RICTOR: variants seen among roughly 807,000 people sequenced by gnomAD.
The protein encoded by RICTOR is RPTOR independent companion of MTOR complex 2.
RICTOR carries 49 observed loss-of-function variants against 214.9 expected under a neutral mutation model. That is an observed-to-expected ratio of 0.23 (90% CI 0.18 to 0.29). RICTOR has a LOEUF of 0.29. RICTOR is among the 10% of genes least tolerant of loss of function. The pLI is 1.00. For missense variants in RICTOR, 1,625 were observed against 2,047.0 expected (o/e 0.79, Z 3.98); for synonymous variants, 717 against 711.3 (o/e 1.01, Z -0.13).
At chr5:39,025,198 G>T (rs1470091332) in intron 2 of RICTOR, among the ~76,000 whole-genome samples, 1 of 152,068 alleles carries the variant, frequency 6.6e-6, no homozygotes, top group African/African-American at 2.4e-5. Context: ...CCACCTCCCA[G>T]ACAGTATTTG....
At chr5:39,030,809 G>C (rs1351093416) in intron 2 of RICTOR, among the ~76,000 whole-genome samples, 11 of 152,066 alleles carry the variant, frequency 7.2e-5, no homozygotes, top group Non-Finnish European at 1.6e-4. Flanking sequence ...CTCAGGAGGA[G>C]GAGGGTCCAA....
chr5:39,073,328 C>T (rs191389661), intron 2 of RICTOR, among the ~76,000 whole-genome samples: 1 of 152,266 alleles, frequency 6.6e-6, no homozygotes, highest in African/African-American at 2.4e-5. Context: ...GTCGAATAAA[C>T]TCTAGTACTG....
chr5:38,990,576 T>TATACACACGATATATAC (rs1491289561), intron 7 of RICTOR, among the ~76,000 whole-genome samples: 2 of 134,642 alleles, frequency 1.5e-5, no homozygotes, highest in African/African-American at 5.7e-5. Context: ...ACGATATATA[T>TATACACACGATATATAC]GATATATACA....
chr5:39,006,756 GGGAGA>G (rs1754092878), intron 3 of RICTOR, among the ~76,000 whole-genome samples: 1 of 98,678 alleles, frequency 1.0e-5, no homozygotes, highest in African/African-American at 4.1e-5. Flanking sequence ...GGGAGAGGAG[GGGAGA>G]GGAGGGGAGA....
chr5:39,041,526 A>G (rs1380501980), intron 2 of RICTOR, among the ~76,000 whole-genome samples: 1 of 152,172 alleles, frequency 6.6e-6, no homozygotes, highest in Non-Finnish European at 1.5e-5. Context: ...GAAGAGGAGA[A>G]AGGCAAGTTT....
In RICTOR at chr5:38,975,615, T is replaced by G. The variant is rs1579969347; in HGVS notation, c.822-11A>C. On this transcript the variant is annotated splice_polypyrimidine_tract_variant and intron_variant, in intron 9 of 37. Transcript: ENST00000357387. Reference sequence around the variant, plus strand: ...GCTTCTCTGTCTTCTCTGTTGGGGGTGGGGAGGCAGCGGGGAGAATCAATG... The same window carrying G: ...GCTTCTCTGTCTTCTCTGTTGGGGGGGGGGAGGCAGCGGGGAGAATCAATG... 6.2e-7 allele frequency: 1 copy of G among 1,610,732 alleles called. No homozygotes were observed. The highest frequency in any genetic ancestry group is 2.2e-5 in the East Asian group (1 of 44,826).
intron 2 of RICTOR, among the ~76,000 whole-genome samples, chr5:39,033,242 T>C (rs1183746152): frequency 6.6e-6 from 1 of 152,122 alleles, no homozygotes; most frequent in Non-Finnish European, 1.5e-5. Context: ...TGTTGGCTTC[T>C]TGTACCAGTG....
At chr5:39,050,009 C>T (rs916158179) in intron 2 of RICTOR, among the ~76,000 whole-genome samples, 8 of 152,142 alleles carry the variant, frequency 5.3e-5, no homozygotes, top group Admixed American at 2.6e-4. Context: ...TACTCAAAGA[C>T]TTGAAATACT....
At position 38,939,646 on chromosome 5, in the gene RICTOR, T is replaced by C. The variant is rs1161792415; in HGVS notation, c.*2658A>G. On this transcript the variant is annotated 3_prime_UTR_variant, in exon 38 of 38. Transcript: ENST00000357387. ...AATTCACTTTACGATTAGAAATTCA[T>C]AGTTTACAACCAGCACAACTGCCCA... 2 of 231,344 alleles carry C rather than the reference T, an allele frequency of 8.6e-6. No individual in the cohort carries two copies. The highest frequency in any genetic ancestry group is 1.7e-5 in the Non-Finnish European group (2 of 116,966). 14.3% of individuals were successfully genotyped at this position (231,344 alleles called of 1,614,324 possible).
chr5:38,961,249 C>T (rs923176429), intron 19 of RICTOR, among the ~76,000 whole-genome samples: 4 of 152,020 alleles, frequency 2.6e-5, no homozygotes, highest in African/African-American at 9.7e-5. Context: ...TTTAACATAG[C>T]TAGAATATAA....
At chr5:39,003,030 C>T (rs556709061) in intron 4 of RICTOR, among the ~76,000 whole-genome samples, 12 of 152,242 alleles carry the variant, frequency 7.9e-5, no homozygotes, top group Non-Finnish European at 1.3e-4. Context: ...TATCCTCTCT[C>T]TGCCTACCTG....
At chr5:38,976,144 C>T (rs1751213136) in intron 9 of RICTOR, among the ~76,000 whole-genome samples, 5 of 152,192 alleles carry the variant, frequency 3.3e-5, no homozygotes, top group Admixed American at 3.3e-4. Context: ...ATTCCCTCCT[C>T]TACAATAGTT....
At position 38,977,078 on chromosome 5, in the gene RICTOR, AG is replaced by A. The variant is rs565852690; in HGVS notation, c.822-1475del. ...AAAAGTCAGAGAGGCTGAAAGCAGT[AG>A]AAAGATTCCAGCATTGTTGCCTTTG... On this transcript the variant is annotated intron_variant, in intron 9 of 37. Coordinates refer to ENST00000357387, the MANE Select transcript of RICTOR (RefSeq NM_152756.5). 2.8e-4 allele frequency among the ~76,000 whole-genome samples: 43 copies of A among 152,368 alleles called. 1 individual carries two copies. The South Asian group carries it at 8.7e-3, about 31-fold the overall frequency.
chr5:38,945,486 C>A lies in RICTOR; in HGVS notation c.4633+5G>T. The stretch of plus-strand genomic sequence containing the variant: ...TTTTTCTGAAGGTGGGACGTGATCA[C>A]TTACCTGAATGACTACATATTGCAC... On this transcript the variant is annotated splice_donor_5th_base_variant and intron_variant, in intron 34 of 37. Transcript: ENST00000357387. 6.3e-7 allele frequency: 1 copy of A among 1,592,260 alleles called. No individual in the cohort carries two copies. Among genetic ancestry groups the A allele is most frequent in the Non-Finnish European group, 8.6e-7 (1 of 1,160,782 alleles).
At chr5:38,990,727 C>G (rs9800015) in intron 7 of RICTOR, among the ~76,000 whole-genome samples, 399 of 2,758 alleles carry the variant, frequency 0.14, 74 homozygotes, top group African/African-American at 0.2. Context: ...TGATATATAT[C>G]ATATATATGA....
intron 5 of RICTOR, among the ~76,000 whole-genome samples, chr5:38,997,373 CCAAA>C (rs1209744398): frequency 6.6e-6 from 1 of 152,050 alleles, no homozygotes. Context: ...ATATTGATGT[CCAAA>C]CAAATAGCAC....
chr5:39,042,902 C>G (rs1376187836), intron 2 of RICTOR, among the ~76,000 whole-genome samples: 1 of 152,122 alleles, frequency 6.6e-6, no homozygotes. Context: ...ATGCAGGGAG[C>G]CATGAACACA....
At chr5:38,985,029 T>A (rs529093839) in intron 7 of RICTOR, among the ~76,000 whole-genome samples, 37 of 152,254 alleles carry the variant, frequency 2.4e-4, no homozygotes, top group African/African-American at 7.9e-4. Flanking sequence ...GCCAGGATGG[T>A]CTCGATCTCT....
At chr5:38,960,323 G>T in intron 20 of RICTOR, 75 bp downstream of exon 20, 1 of 1,415,564 alleles carries the variant, frequency 7.1e-7, no homozygotes, top group Non-Finnish European at 9.8e-7. Flanking sequence ...AAAACACAAG[G>T]TGGAAACAGA....
Sources: gnomAD v4.1 joint callset for allele counts (sites outside exome capture counted in the v4.1 genomes callset) on GRCh38, gnomAD v4.1.1 for gene constraint, MANE v1.5 for transcripts, NCBI Gene and HGNC (gene_info 2026-07-23, HGNC 2026-07-21) for gene names.